TNS1: variants seen among roughly 807,000 people sequenced by gnomAD.
TNS1 encodes the protein tensin-1.
In TNS1, 62 loss-of-function variants were observed where a neutral mutation model predicts 168.6. The ratio of observed to expected loss-of-function variants is 0.37; its 90% CI spans 0.30 to 0.45. TNS1 has a LOEUF of 0.45. Among genes scored for constraint, TNS1 ranks in the 20% least tolerant of loss-of-function variants. TNS1 has a pLI of 1.00. For missense variants in TNS1, 2,240 were observed against 2,339.4 expected (o/e 0.96, Z 0.88); for synonymous variants, 934 against 933.2 (o/e 1.00, Z -0.02).
chr2:217,991,834 T>C (rs775398435), intron 1 of TNS1, among the ~76,000 whole-genome samples: 1 of 152,092 alleles, frequency 6.6e-6, no homozygotes, highest in Non-Finnish European at 1.5e-5. Flanking sequence ...TTATTTTTAT[T>C]TTCAATTCTT....
intron 12 of TNS1, among the ~76,000 whole-genome samples, chr2:217,887,225 T>C (rs977153534): frequency 1.3e-5 from 2 of 152,270 alleles, no homozygotes; most frequent in Non-Finnish European, 2.9e-5. Flanking sequence ...TCCCTCTCTC[T>C]GTATCCTTGA....
intron 3 of TNS1, among the ~76,000 whole-genome samples, chr2:217,971,372 T>C (rs1005096810): frequency 1.3e-5 from 2 of 152,260 alleles, no homozygotes; most frequent in Non-Finnish European, 2.9e-5. Context: ...CATGACGTTT[T>C]AGAGGTTCAT....
chr2:217,839,727 C>G (rs574547978), intron 19 of TNS1, among the ~76,000 whole-genome samples: 2 of 152,340 alleles, frequency 1.3e-5, no homozygotes, highest in East Asian at 1.9e-4. Flanking sequence ...CTGCACCCCC[C>G]AGACTGGCCA....
At chr2:217,808,150 T>A (rs1939557966) in intron 31 of TNS1, 43 bp from the exon 32 acceptor site, 1 of 1,607,232 alleles carries the variant, frequency 6.2e-7, no homozygotes, top group African/African-American at 1.3e-5. Flanking sequence ...TCGTACTTTC[T>A]CCCTAGAGCC....
chr2:217,822,888 C>A (rs906961034), intron 22 of TNS1, among the ~76,000 whole-genome samples: 1 of 152,180 alleles, frequency 6.6e-6, no homozygotes, highest in Non-Finnish European at 1.5e-5. Flanking sequence ...TTGTTTACCC[C>A]GGGCCATGAT....
chr2:217,974,305 C>T (rs1467031892), intron 3 of TNS1, among the ~76,000 whole-genome samples: 1 of 152,188 alleles, frequency 6.6e-6, no homozygotes, highest in Non-Finnish European at 1.5e-5. Flanking sequence ...TTATTATTTG[C>T]AGCACCCTCT....
At chr2:217,978,933 A>AGGAGAGAG (rs1367979447) in intron 2 of TNS1, 131 bp from the exon 3 acceptor site, 3 of 652,542 alleles carry the variant, frequency 4.6e-6, no homozygotes, top group African/African-American at 1.8e-5. Context: ...GACGGAGGGA[A>AGGAGAGAG]GGAGAGAGGG....
Position 217,906,321 on chromosome 2 carries a change from C to T in TNS1, c.321+14G>A, listed in dbSNP as rs1481310941. 2.8e-6 allele frequency: 2 copies of T among 702,086 alleles called. No individual in the cohort carries two copies. The highest frequency in any genetic ancestry group is 2.6e-6 in the Non-Finnish European group (1 of 384,656). The allele number at this position is 702,086 out of a possible 1,614,324, so 43.5% of individuals were successfully genotyped here. A position where few individuals can be genotyped will look rare whatever the true frequency, so the allele number is the denominator to read the frequency against. On this transcript the variant is annotated intron_variant, in intron 6 of 32. Transcript: ENST00000682258. ...GGGCCCAGCCCCATCCTTCTTCTCC[C>T]CATCCACACTCACGTTGTCCTCGAG... is the stretch of plus-strand genomic sequence containing the variant.
At chr2:217,969,559 C>T (rs112895563) in intron 3 of TNS1, among the ~76,000 whole-genome samples, 1,727 of 152,058 alleles carry the variant, frequency 0.011, 13 homozygotes, top group Admixed American at 0.02. Flanking sequence ...GTATCCTGAA[C>T]GTATAAAGAA....
chr2:217,841,395 T>G, intron 19 of TNS1: 2 of 368,650 alleles, frequency 5.4e-6, no homozygotes, highest in Non-Finnish European at 7.5e-6. Context: ...CAGATGGACA[T>G]GGGAAACACA....
chr2:217,987,447 T>C (rs1958226516), intron 2 of TNS1, among the ~76,000 whole-genome samples: 1 of 152,202 alleles, frequency 6.6e-6, no homozygotes, highest in Non-Finnish European at 1.5e-5. Context: ...CCCAGGTTCC[T>C]TTCCTCTCTT....
intron 3 of TNS1, among the ~76,000 whole-genome samples, chr2:217,940,073 C>T (rs1373305516): frequency 1.3e-5 from 2 of 152,248 alleles, no homozygotes; most frequent in Admixed American, 1.3e-4. Flanking sequence ...GCCACCCTGC[C>T]ACCCCCACCT....
rs753764400 is a variant in TNS1 at position 217,799,950 on chromosome 2, G to A, written c.*4509C>T. ...ACACGGTGGCAGCGGCTATAGGCACGATGATACAAAATATAAAGTATATTT... is the reference window on the plus strand; with the variant it reads ...ACACGGTGGCAGCGGCTATAGGCACAATGATACAAAATATAAAGTATATTT... On this transcript the variant is annotated 3_prime_UTR_variant, in exon 33 of 33. Coordinates refer to ENST00000682258, the MANE Select transcript of TNS1 (RefSeq NM_001387777.1). 4 of 152,328 alleles carry A rather than the reference G, an allele frequency of 2.6e-5. No individual in the cohort carries two copies. The highest frequency in any genetic ancestry group is 1.9e-4 in the East Asian group (1 of 5,184). 9.4% of individuals were successfully genotyped at this position (152,328 alleles called of 1,614,324 possible).
At chr2:217,814,453 G>A (rs1210870500) in intron 25 of TNS1, among the ~76,000 whole-genome samples, 1 of 152,170 alleles carries the variant, frequency 6.6e-6, no homozygotes, top group South Asian at 2.1e-4. Context: ...AGGTGTGGGG[G>A]CGCCCCAGTA....
chr2:217,877,507 G>A (rs749544718), intron 18 of TNS1, among the ~76,000 whole-genome samples: 17 of 152,180 alleles, frequency 1.1e-4, no homozygotes, highest in Non-Finnish European at 1.9e-4. Context: ...CCCATACTTC[G>A]GGGTTTCCTG....
At chr2:218,010,703 G>GTT (rs1158749279), upstream of TNS1, among the ~76,000 whole-genome samples, 1 of 151,950 alleles carries the variant, frequency 6.6e-6, no homozygotes, top group East Asian at 1.9e-4. Flanking sequence ...CGGCGGCGGC[G>GTT]GCAGCATTGT....
chr2:217,826,362 C>T (rs1251964561), intron 22 of TNS1, among the ~76,000 whole-genome samples: 1 of 152,128 alleles, frequency 6.6e-6, no homozygotes, highest in Non-Finnish European at 1.5e-5. Flanking sequence ...TGTTTATTCC[C>T]TGGCTCTTTC....
chr2:217,850,233 G>A (rs1295694642), intron 18 of TNS1: 21 of 985,268 alleles, frequency 2.1e-5, no homozygotes, highest in Non-Finnish European at 2.4e-5. Context: ...GCCAAGGTGG[G>A]GCTCAGCCAA....
intron 3 of TNS1, among the ~76,000 whole-genome samples, chr2:217,945,953 A>G (rs1020249380): frequency 6.6e-6 from 1 of 152,130 alleles, no homozygotes; most frequent in Non-Finnish European, 1.5e-5. Context: ...TCCCACTAGC[A>G]GGTATCCGGA....
Sources: allele counts gnomAD v4.1 joint callset (sites outside exome capture counted in the v4.1 genomes callset), GRCh38; gene constraint gnomAD v4.1.1; transcripts MANE v1.5; gene names NCBI Gene and HGNC (gene_info 2026-07-23, HGNC 2026-07-21).